ELOVL2: variants seen among roughly 807,000 people sequenced by gnomAD.
ELOVL2 encodes the protein ELOVL fatty acid elongase 2, also known as very long chain fatty acid elongase 2.
ELOVL2 carries 38 observed loss-of-function variants against 37.7 expected under a neutral mutation model. The observed-to-expected ratio is 1.01, with a 90% CI of 0.78 to 1.32. The LOEUF (loss-of-function observed/expected upper bound fraction) is 1.32. ELOVL2 is among the 40% of genes most tolerant of loss of function. ELOVL2 has a pLI of 0.00. For synonymous variants in ELOVL2, 115 were observed against 122.3 expected, an observed-to-expected ratio of 0.94 and a Z score of 0.40; for missense variants, 352 against 363.6, an observed-to-expected ratio of 0.97 and a Z score of 0.26.
intron 1 of ELOVL2, among the ~76,000 whole-genome samples, chr6:11,019,487 A>C (rs551087346): frequency 3.3e-5 from 5 of 152,130 alleles, no homozygotes; most frequent in Non-Finnish European, 7.4e-5. Flanking sequence ...GATAACATAA[A>C]GCACAAACTC....
chr6:11,001,369 C>T (rs1448636391), intron 3 of ELOVL2, among the ~76,000 whole-genome samples: 1 of 152,168 alleles, frequency 6.6e-6, no homozygotes, highest in Non-Finnish European at 1.5e-5. Context: ...CAAATCAGGT[C>T]ATTTCCCAGT....
intron 6 of ELOVL2, 43 bp downstream of exon 6, chr6:10,990,275 C>T: frequency 1.3e-6 from 2 of 1,598,982 alleles, no homozygotes; most frequent in East Asian, 2.2e-5. Context: ...CTTTCCCCAT[C>T]CATAAGCCAC....
chr6:11,038,670 GATTAA>G (rs755692457), intron 1 of ELOVL2, among the ~76,000 whole-genome samples: 9 of 151,932 alleles, frequency 5.9e-5, no homozygotes, highest in Admixed American at 2.0e-4. Flanking sequence ...ATGAAATATG[GATTAA>G]ATTATTTAAA....
intron 3 of ELOVL2, among the ~76,000 whole-genome samples, chr6:11,001,318 G>C (rs1782376435): frequency 6.6e-6 from 1 of 152,184 alleles, no homozygotes; most frequent in African/African-American, 2.4e-5. Context: ...TAAGTCCAGT[G>C]AAAGAAGAAA....
In ELOVL2 at chr6:10,981,043, A is replaced by T. The variant is rs1253677975; in HGVS notation, c.*2738T>A. 6.6e-6 allele frequency: 1 copy of T among 152,268 alleles called. No homozygotes were observed. Among genetic ancestry groups the T allele is most frequent in the Admixed American group, 6.5e-5 (1 of 15,274 alleles). The allele number at this position is 152,268 out of a possible 1,614,324, so 9.4% of individuals were successfully genotyped here. ...GTAAACACTGTTTTGCCTTAAAATA[A>T]AAATAATAAAATATTTCTCAAATGC... On this transcript the variant is annotated 3_prime_UTR_variant, in exon 8 of 8. Coordinates refer to ENST00000354666, the MANE Select transcript of ELOVL2 (RefSeq NM_017770.4).
chr6:10,985,474 G>A (rs1263109960), intron 7 of ELOVL2, among the ~76,000 whole-genome samples: 2 of 72,458 alleles, frequency 2.8e-5, no homozygotes, highest in South Asian at 5.2e-4. Flanking sequence ...AGGTTTTTAT[G>A]GTTTTAGGTC....
intron 6 of ELOVL2, among the ~76,000 whole-genome samples, 175 bp from the exon 7 acceptor site, chr6:10,990,012 G>A (rs1244624754): frequency 6.6e-6 from 1 of 152,214 alleles, no homozygotes; most frequent in African/African-American, 2.4e-5. Flanking sequence ...AAATTAGTAT[G>A]TGAAATTGCC....
intron 1 of ELOVL2, among the ~76,000 whole-genome samples, chr6:11,017,526 A>G (rs895932803): frequency 6.6e-6 from 1 of 152,180 alleles, no homozygotes; most frequent in African/African-American, 2.4e-5. Context: ...AGTCCCATTC[A>G]ATTAAGGTGA....
At chr6:10,987,042 A>G (rs1782064707) in intron 7 of ELOVL2, among the ~76,000 whole-genome samples, 2 of 152,326 alleles carry the variant, frequency 1.3e-5, no homozygotes, top group African/African-American at 4.8e-5. Flanking sequence ...TTACTGGTCT[A>G]TTCAGAGATT....
At chr6:11,039,842 T>G (rs569343340) in intron 1 of ELOVL2, among the ~76,000 whole-genome samples, 35 of 152,324 alleles carry the variant, frequency 2.3e-4, no homozygotes, top group African/African-American at 7.9e-4. Context: ...GGAAAGGTAT[T>G]AAGGGTAGGA....
Position 11,015,707 on chromosome 6 carries a change from T to A in ELOVL2, c.4-4898A>T, listed in dbSNP as rs1326506085. ...CTAGTGCTGGTAGACTGGCTCACCA[T>A]GCATGCCTGCCTTCTGTGGGTAGGT... On this transcript the variant is annotated intron_variant, in intron 1 of 7. Transcript: ENST00000354666. 3.3e-5 allele frequency: 5 copies of A among 152,128 alleles called. 1 individual carries two copies. The Middle Eastern group carries it at 9.5e-3, about 289-fold the overall frequency. The allele number at this position is 152,128 out of a possible 1,614,324, so 9.4% of individuals were successfully genotyped here. A position where few individuals can be genotyped will look rare whatever the true frequency, so the allele number is the denominator to read the frequency against.
At chr6:10,985,800 C>A (rs1019327994) in intron 7 of ELOVL2, among the ~76,000 whole-genome samples, 2 of 152,076 alleles carry the variant, frequency 1.3e-5, no homozygotes, top group Non-Finnish European at 2.9e-5. Flanking sequence ...CAACTTTGTT[C>A]TTTTGGCTTA....
At chr6:11,011,030 A>G (rs917036218) in intron 1 of ELOVL2, among the ~76,000 whole-genome samples, 1 of 152,150 alleles carries the variant, frequency 6.6e-6, no homozygotes, top group Non-Finnish European at 1.5e-5. Flanking sequence ...TTATTTCCTT[A>G]GGCAAGAGGA....
Position 10,986,101 on chromosome 6 carries a change from T to A in ELOVL2, c.766-2195A>T, listed in dbSNP as rs555558836. 3.3e-5 allele frequency among the ~76,000 whole-genome samples: 5 copies of A among 152,330 alleles called. No homozygotes were observed. In the East Asian group the frequency reaches 9.6e-4, roughly 29 times the overall value. On this transcript the variant is annotated intron_variant, in intron 7 of 7. Coordinates refer to ENST00000354666, the MANE Select transcript of ELOVL2 (RefSeq NM_017770.4). The stretch of plus-strand genomic sequence containing the variant: ...TTGGATTCCTAGGTATCTTATTCTC[T>A]TTGAAGCAATTGTGAATGGGAGTTC...
chr6:10,992,850 A>T (rs1561714144), intron 5 of ELOVL2, among the ~76,000 whole-genome samples: 1 of 152,084 alleles, frequency 6.6e-6, no homozygotes, highest in Non-Finnish European at 1.5e-5. Context: ...AGTACATCAT[A>T]TAGAGCCAGG....
chr6:10,994,170 TAAAA>T (rs952907604), intron 5 of ELOVL2, among the ~76,000 whole-genome samples: 3 of 141,730 alleles, frequency 2.1e-5, no homozygotes, highest in Non-Finnish European at 3.1e-5. Flanking sequence ...CTTAAAAAAA[TAAAA>T]AAAGAAGAAG....
At chr6:11,031,731 C>T (rs1266627105) in intron 1 of ELOVL2, among the ~76,000 whole-genome samples, 1 of 152,244 alleles carries the variant, frequency 6.6e-6, no homozygotes, top group East Asian at 1.9e-4. Context: ...TGTGTTTAAT[C>T]TTGCTTAAGA....
intron 1 of ELOVL2, among the ~76,000 whole-genome samples, chr6:11,018,965 T>C (rs1046243783): frequency 6.6e-6 from 1 of 152,178 alleles, no homozygotes; most frequent in Non-Finnish European, 1.5e-5. Flanking sequence ...CTACTTGTGT[T>C]TTACCTTATA....
intron 5 of ELOVL2, among the ~76,000 whole-genome samples, chr6:10,994,026 A>AG (rs1228774466): frequency 6.6e-6 from 1 of 151,576 alleles, no homozygotes; most frequent in Non-Finnish European, 1.5e-5. Flanking sequence ...AAAAAAAAAA[A>AG]AAATAGCTGG....
Sources: gnomAD v4.1 joint callset for allele counts (sites outside exome capture counted in the v4.1 genomes callset) on GRCh38, gnomAD v4.1.1 for gene constraint, MANE v1.5 for transcripts, NCBI Gene and HGNC (gene_info 2026-07-23, HGNC 2026-07-21) for gene names.